Variants in MCF2L observed in about 807,000 individuals in gnomAD.
The protein encoded by MCF2L is MCF.2 cell line derived transforming sequence like.
In MCF2L, 97 loss-of-function variants were observed where a neutral mutation model predicts 153.4. The ratio of observed to expected loss-of-function variants is 0.63; its 90% CI spans 0.54 to 0.75. The LOEUF (loss-of-function observed/expected upper bound fraction) is 0.75. Among genes scored for constraint, MCF2L ranks in the 30% least tolerant of loss-of-function variants. MCF2L has a pLI of 0.00. For synonymous variants in MCF2L, 659 were observed against 632.2 expected (o/e 1.04, Z -0.64); for missense variants, 1,347 against 1,495.2 (o/e 0.90, Z 1.64).
intron 13 of MCF2L, among the ~76,000 whole-genome samples, chr13:113,077,690 C>T (rs1212412322): frequency 3.3e-5 from 5 of 152,316 alleles, no homozygotes; most frequent in East Asian, 3.9e-4. Context: ...CACCTCAGTC[C>T]GGCGCGCATT....
rs779032423 is a variant in MCF2L, at chr13:113,024,668, C to T, written c.188C>T (p.Pro63Leu). ...LSGGRGQDGS[P>L]VITFPDYPAF... ...GGTGGGCGGGGGCAGGACGGAAGCCCGGTTATCACCTTCCCTGACTACCCG... is the reference window on the plus strand; with the variant it reads ...GGTGGGCGGGGGCAGGACGGAAGCCTGGTTATCACCTTCCCTGACTACCCG... The change falls in exon 3 of 30, where the codon CCG becomes CTG. Residue 63 changes from proline (P) to leucine (L), a missense_variant. Coordinates refer to ENST00000535094, the MANE Select transcript of MCF2L (RefSeq NM_001112732.3). The T allele has an allele frequency of 1.1e-5, 18 of 1,613,914 alleles. No individual in the cohort carries two copies. Among genetic ancestry groups the T allele is most frequent in the Non-Finnish European group, 1.4e-5 (16 of 1,179,964 alleles).
intron 2 of MCF2L, chr13:112,956,064 CAA>C (rs2081753201): frequency 6.6e-6 from 1 of 152,172 alleles, no homozygotes; most frequent in African/African-American, 2.4e-5. Flanking sequence ...AACAAAGAGC[CAA>C]AATGGCAAAC....
chr13:112,965,493 G>A (rs1175620366), upstream of MCF2L: 1 of 152,240 alleles, frequency 6.6e-6, no homozygotes, highest in Non-Finnish European at 1.5e-5. Flanking sequence ...CATGCTGGGT[G>A]TTGTCCCGCG....
At chr13:113,048,952 G>A (rs1201298141) in intron 4 of MCF2L, among the ~76,000 whole-genome samples, 1 of 152,212 alleles carries the variant, frequency 6.6e-6, no homozygotes, top group Non-Finnish European at 1.5e-5. Context: ...TGGGGAGGGG[G>A]CAGAGTTAGG....
chr13:112,973,753 G>A (rs969377984), intron 1 of MCF2L, among the ~76,000 whole-genome samples: 5 of 152,226 alleles, frequency 3.3e-5, no homozygotes, highest in Non-Finnish European at 7.3e-5. Context: ...TTTGCTTGGA[G>A]CGCCCTTCAG....
At chr13:112,937,793 T>C (rs1039272375) in intron 2 of MCF2L, among the ~76,000 whole-genome samples, 2 of 13,512 alleles carry the variant, frequency 1.5e-4, no homozygotes, top group African/African-American at 4.9e-4. Context: ...TGAGCACTGA[T>C]AAGTTGGTTC....
intron 1 of MCF2L, among the ~76,000 whole-genome samples, chr13:112,990,504 C>A (rs1451936898): frequency 6.6e-6 from 1 of 152,230 alleles, no homozygotes; most frequent in Non-Finnish European, 1.5e-5. Context: ...CAGTGGCTGG[C>A]AGAGACCCTC....
At chr13:113,007,035 G>A (rs1305205746) in intron 1 of MCF2L, among the ~76,000 whole-genome samples, 8 of 152,166 alleles carry the variant, frequency 5.3e-5, no homozygotes, top group East Asian at 1.9e-4. Context: ...CCTGAAACCC[G>A]GCCTCCTGTG....
intron 1 of MCF2L, among the ~76,000 whole-genome samples, chr13:112,989,291 G>A (rs1358971538): frequency 1.4e-5 from 2 of 142,376 alleles, no homozygotes; most frequent in Non-Finnish European, 3.0e-5. Flanking sequence ...GAGCTACCAC[G>A]CCCGAGTCCT....
intron 1 of MCF2L, among the ~76,000 whole-genome samples, chr13:112,987,860 G>A (rs746105292): frequency 6.6e-5 from 10 of 152,258 alleles, no homozygotes; most frequent in Non-Finnish European, 1.2e-4. Context: ...CAGCGGACCT[G>A]TGAGAAATGA....
At chr13:113,082,406 A>C in intron 16 of MCF2L, 21 bp from the exon 17 acceptor site, 1 of 1,535,778 alleles carries the variant, frequency 6.5e-7, no homozygotes, top group Non-Finnish European at 9.0e-7. Context: ...ACCCCCGCCG[A>C]CCTCTGCGCT....
At chr13:113,015,886 C>A (rs959207449) in intron 2 of MCF2L, among the ~76,000 whole-genome samples, 1 of 152,186 alleles carries the variant, frequency 6.6e-6, no homozygotes, top group Non-Finnish European at 1.5e-5. Context: ...GGGGACCAGG[C>A]GTGGTGATGG....
intron 2 of MCF2L, among the ~76,000 whole-genome samples, chr13:112,918,594 G>A (rs2081320779): frequency 6.6e-6 from 1 of 152,210 alleles, no homozygotes; most frequent in Non-Finnish European, 1.5e-5. Flanking sequence ...GGGGCGTGGG[G>A]TGGCTCCAAA....
At chr13:112,924,917 C>T (rs1048693036) in intron 2 of MCF2L, among the ~76,000 whole-genome samples, 1 of 152,116 alleles carries the variant, frequency 6.6e-6, no homozygotes, top group East Asian at 1.9e-4. Context: ...AATCCAGAAG[C>T]AAATCAGGCT....
Position 112,919,576 on chromosome 13 carries a change from TA to T in MCF2L, c.169+17214del, listed in dbSNP as rs60772457. Among the ~76,000 whole-genome samples the T allele has an allele frequency of 9.8e-3, 1,483 of 151,666 alleles. 23 individuals are homozygous for T. Among genetic ancestry groups the T allele is most frequent in the African/African-American group, 0.034 (1,413 of 41,382 alleles). On this transcript the variant is annotated intron_variant, in intron 2 of 29. Transcript: ENST00000375608. The stretch of plus-strand genomic sequence containing the variant: ...ACTGTTAGGAATCACTGTTTTGTTT[TA>T]AAAAAAAATGCCTAGAAACGCCTTG...
At chr13:112,954,055 A>T (rs1186119188) in intron 2 of MCF2L, among the ~76,000 whole-genome samples, 3 of 152,128 alleles carry the variant, frequency 2.0e-5, no homozygotes, top group Non-Finnish European at 4.4e-5. Flanking sequence ...TTTATTGTTG[A>T]TCTTGTGCCT....
chr13:113,084,933 G>A lies in MCF2L; in HGVS notation c.2103G>A (p.Lys701=). 3.1e-6 allele frequency: 5 copies of A among 1,614,052 alleles called. No homozygotes were observed. The Middle Eastern group carries it at 8.2e-4, about 266-fold the overall frequency. Residue 701 remains lysine (K), a synonymous_variant, in exon 19 of 30, where the codon AAG becomes AAA. Coordinates refer to ENST00000535094, the MANE Select transcript of MCF2L (RefSeq NM_001112732.3). ...FQIYEKYCQN[K]PRSESLWRQC... ...TCTATGAGAAGTACTGTCAGAACAAGCCCCGCTCTGAGAGCCTGTGGAGAC... is the reference window on the plus strand; with the variant it reads ...TCTATGAGAAGTACTGTCAGAACAAACCCCGCTCTGAGAGCCTGTGGAGAC...
At chr13:113,079,737 G>A (rs2033890532) in intron 15 of MCF2L, among the ~76,000 whole-genome samples, 1 of 152,122 alleles carries the variant, frequency 6.6e-6, no homozygotes, top group African/African-American at 2.4e-5. Context: ...AAGCGTCCAG[G>A]CAGAGGATTG....
At chr13:113,096,517 C>A in intron 28 of MCF2L, 33 bp from the exon 29 acceptor site, 1 of 1,583,240 alleles carries the variant, frequency 6.3e-7, no homozygotes, top group South Asian at 1.2e-5. Context: ...GACTGCCCCG[C>A]ACGTGGCTGC....
Sources: gnomAD v4.1 joint callset for allele counts (sites outside exome capture counted in the v4.1 genomes callset) on GRCh38, gnomAD v4.1.1 for gene constraint, MANE v1.5 for transcripts, NCBI Gene and HGNC (gene_info 2026-07-23, HGNC 2026-07-21) for gene names.